Variants in ALMS1 observed in about 807,000 individuals in gnomAD.
ALMS1 encodes the protein ALMS1 centrosome and basal body associated protein.
In ALMS1, 271 loss-of-function variants were observed where a neutral mutation model predicts 352.2. The ratio of observed to expected loss-of-function variants is 0.77; its 90% CI spans 0.70 to 0.85. The LOEUF (loss-of-function observed/expected upper bound fraction) is 0.85. ALMS1 is among the 40% of genes least tolerant of loss of function. The pLI, the probability that ALMS1 is intolerant of heterozygous loss-of-function variation, is 0.00. For missense variants in ALMS1, 5,445 were observed against 4,870.7 expected, an observed-to-expected ratio of 1.12 and a Z score of -3.51; for synonymous variants, 1,865 against 1,761.2, an observed-to-expected ratio of 1.06 and a Z score of -1.48.
At chr2:73,585,550 C>T (rs979796414) in intron 16 of ALMS1, among the ~76,000 whole-genome samples, 8 of 151,852 alleles carry the variant, frequency 5.3e-5, no homozygotes, top group Admixed American at 1.3e-4. Context: ...GGTGCCACCA[C>T]GTCTGGCTAA....
intron 12 of ALMS1, among the ~76,000 whole-genome samples, chr2:73,536,584 T>A (rs1478174115): frequency 6.6e-6 from 1 of 152,142 alleles, no homozygotes; most frequent in Non-Finnish European, 1.5e-5. Flanking sequence ...AGCCTAGAAA[T>A]TGTTCTAATT....
chr2:73,411,929 T>C (rs567071832), intron 2 of ALMS1, among the ~76,000 whole-genome samples: 1 of 152,350 alleles, frequency 6.6e-6, no homozygotes, highest in Admixed American at 6.5e-5. Flanking sequence ...CCAGCTACTT[T>C]ACTACAAATG....
intron 2 of ALMS1, 115 bp downstream of exon 2, chr2:73,408,862 GTCTTTTTTT>G: frequency 5.6e-6 from 1 of 177,846 alleles, no homozygotes; most frequent in African/African-American, 3.9e-5. Context: ...ATGTTTTCTT[GTCTTTTTTT>G]TTTTTTTTTT....
rs866639729 is a variant in ALMS1 at position 73,554,848 on chromosome 2, C to T, written c.10079-2372C>T. On this transcript the variant is annotated intron_variant, in intron 13 of 22. Transcript: ENST00000613296. ...GAACTCTTTATGTGCACGTTTTCCC[C>T]CATATTTTCCACTGTACAATTAAAA... Among the ~76,000 whole-genome samples the T allele has an allele frequency of 2.6e-5, 4 of 152,176 alleles. No homozygotes were observed. The Middle Eastern group carries it at 0.014, about 518-fold the overall frequency.
At chr2:73,387,659 C>A (rs78551895) in intron 1 of ALMS1, among the ~76,000 whole-genome samples, 12 of 152,078 alleles carry the variant, frequency 7.9e-5, no homozygotes, top group African/African-American at 2.4e-4. Context: ...ATCTCTGGAG[C>A]TTTGGGGAGT....
intron 11 of ALMS1, among the ~76,000 whole-genome samples, chr2:73,530,271 G>T (rs1262383516): frequency 6.6e-6 from 1 of 152,188 alleles, no homozygotes; most frequent in African/African-American, 2.4e-5. Context: ...TACAGTGGGG[G>T]TACAGGCATT....
Position 73,519,912 on chromosome 2 carries a change from G to T in ALMS1, c.9677G>T (p.Gly3226Val), listed in dbSNP as rs1673640308. ...SEIFINAEDRGHEIIEPGNQK... is the reference protein window; with the variant it reads ...SEIFINAEDRVHEIIEPGNQK... ...ATTTTTATTAATGCTGAAGATCGTG[G>T]ACATGAAATTATAGAGCCTGGTAAC... Residue 3226 changes from glycine to valine, a missense_variant, in exon 11 of 23, where the codon GGA becomes GTA. Gly to Val is a moderately radical substitution (Grantham distance 109). Transcript: ENST00000613296. 6.2e-7 allele frequency: 1 copy of T among 1,614,086 alleles called. No individual in the cohort carries two copies. Among genetic ancestry groups the T allele is most frequent in the Non-Finnish European group, 8.5e-7 (1 of 1,179,986 alleles).
intron 16 of ALMS1, among the ~76,000 whole-genome samples, chr2:73,580,601 G>A (rs1675156803): frequency 6.6e-6 from 1 of 152,098 alleles, no homozygotes; most frequent in Non-Finnish European, 1.5e-5. Flanking sequence ...TCTAACCCAT[G>A]AATGGGCCAT....
At position 73,484,588 on chromosome 2, in the gene ALMS1, G is replaced by A. The variant is rs1375162351; in HGVS notation, c.7675-5046G>A. 1.9e-4 allele frequency among the ~76,000 whole-genome samples: 29 copies of A among 151,124 alleles called. 1 individual carries two copies. Among genetic ancestry groups the A allele is most frequent in the Non-Finnish European group, 3.2e-4 (22 of 67,848 alleles). ...TCTTCTCGAGGAGTATCTTTGTGGC[G>A]TTCTCTGTATTTCCTGAATCTGAAT... is the stretch of plus-strand genomic sequence containing the variant. On this transcript the variant is annotated intron_variant, in intron 9 of 22. Coordinates refer to ENST00000613296, the MANE Select transcript of ALMS1 (RefSeq NM_001378454.1).
rs1330152191 is a variant in ALMS1, at chr2:73,453,596, A to G, written c.7069A>G (p.Thr2357Ala). The G allele has an allele frequency of 2.5e-6, 4 of 1,614,000 alleles. No homozygotes were observed. The highest frequency in any genetic ancestry group is 1.1e-5 in the South Asian group (1 of 91,080). The change falls in exon 8 of 23, where the codon ACT (threonine) becomes GCT (alanine). Residue 2357 changes from threonine to alanine, a missense_variant. Coordinates refer to ENST00000613296, the MANE Select transcript of ALMS1 (RefSeq NM_001378454.1). ...TGAAAATTGGGAGTTTATTAGTTCA[A>G]CTACAGTTAGAAGTCCTCTACAGGA... ...GIENWEFISS[T>A]TVRSPLQEAE...
At chr2:73,596,610 T>A (rs971841303) in intron 16 of ALMS1, among the ~76,000 whole-genome samples, 1 of 152,034 alleles carries the variant, frequency 6.6e-6, no homozygotes, top group African/African-American at 2.4e-5. Flanking sequence ...TAGCTGGAAC[T>A]ACAGGTGCGT....
At chr2:73,412,250 G>A (rs536726959) in intron 2 of ALMS1, among the ~76,000 whole-genome samples, 2 of 152,298 alleles carry the variant, frequency 1.3e-5, no homozygotes, top group African/African-American at 4.8e-5. Context: ...TTTGTAGTCA[G>A]TCACTTCCCC....
At chr2:73,511,487 G>T (rs1369447684) in intron 10 of ALMS1, among the ~76,000 whole-genome samples, 2 of 152,104 alleles carry the variant, frequency 1.3e-5, no homozygotes, top group African/African-American at 4.8e-5. Context: ...CTCACCCTCT[G>T]TGGGCTGCAC....
chr2:73,443,434 C>T lies in ALMS1; in HGVS notation c.1433-4526C>T, dbSNP rs144116734. Among the ~76,000 whole-genome samples the T allele has an allele frequency of 3.8e-4, 58 of 152,258 alleles. No individual in the cohort carries two copies. In the East Asian group the frequency reaches 9.1e-3, roughly 24 times the overall value. On this transcript the variant is annotated intron_variant, in intron 7 of 22. Transcript: ENST00000613296. ...CTGGTTTTTATCCTTTCATTCTGAG[C>T]TTTGCTGTCTTTCAGGAAAATGTTT...
intron 10 of ALMS1, among the ~76,000 whole-genome samples, chr2:73,503,832 T>A (rs1412566665): frequency 6.6e-6 from 1 of 152,178 alleles, no homozygotes; most frequent in Non-Finnish European, 1.5e-5. Context: ...GGCTGTTAGG[T>A]ACCTTTTCAT....
chr2:73,474,708 AG>A (rs1383244278), intron 9 of ALMS1, among the ~76,000 whole-genome samples: 1 of 152,060 alleles, frequency 6.6e-6, no homozygotes, highest in Non-Finnish European at 1.5e-5. Context: ...TCTTTTGAGA[AG>A]AGATAATTTT....
At chr2:73,387,536 GA>G (rs1670564020) in intron 1 of ALMS1, among the ~76,000 whole-genome samples, 1 of 152,048 alleles carries the variant, frequency 6.6e-6, no homozygotes, top group African/African-American at 2.4e-5. Context: ...AAAAACACAT[GA>G]AAAGGTACTG....
chr2:73,540,125 G>T (rs1468034743), intron 12 of ALMS1, among the ~76,000 whole-genome samples: 2 of 152,214 alleles, frequency 1.3e-5, no homozygotes, highest in Non-Finnish European at 2.9e-5. Flanking sequence ...CAGAGAGAAA[G>T]GTCGGGTTAC....
At chr2:73,436,005 A>G (rs1237467348) in intron 7 of ALMS1, among the ~76,000 whole-genome samples, 5 of 152,190 alleles carry the variant, frequency 3.3e-5, no homozygotes, top group Non-Finnish European at 5.9e-5. Context: ...TTGTTTTGTT[A>G]TGAAAATGTT....
Sources: allele counts gnomAD v4.1 joint callset (sites outside exome capture counted in the v4.1 genomes callset), GRCh38; gene constraint gnomAD v4.1.1; transcripts MANE v1.5; gene names NCBI Gene and HGNC (gene_info 2026-07-23, HGNC 2026-07-21).